Variants in BCKDHB observed in about 807,000 individuals in gnomAD.
The protein encoded by BCKDHB is 2-oxoisovalerate dehydrogenase subunit beta, mitochondrial.
A neutral mutation model predicts 48.5 loss-of-function variants in BCKDHB; 41 were observed. The observed-to-expected ratio is 0.85, with a 90% confidence interval of 0.66 to 1.10. The LOEUF (loss-of-function observed/expected upper bound fraction) is 1.10. Among genes scored for constraint, BCKDHB ranks in the 50% least tolerant of loss-of-function variants. BCKDHB has a pLI of 0.00. For synonymous variants in BCKDHB, 201 were observed against 174.8 expected, an observed-to-expected ratio of 1.15 and a Z score of -1.18; for missense variants, 496 against 494.2, an observed-to-expected ratio of 1.00 and a Z score of -0.03.
the BCKDHB span, among the ~76,000 whole-genome samples, chr6:80,387,357 C>T: frequency 8.4e-6 from 1 of 118,632 alleles, no homozygotes; most frequent in Admixed American, 9.9e-5. Context: ...TTAGAGTTGC[C>T]TCTACCTAGA....
intron 1 of BCKDHB, among the ~76,000 whole-genome samples, chr6:80,111,042 A>G (rs993673529): frequency 6.6e-6 from 1 of 152,172 alleles, no homozygotes; most frequent in Non-Finnish European, 1.5e-5. Flanking sequence ...TCTCTTTTTA[A>G]CAGGGGGCCT....
the BCKDHB span, among the ~76,000 whole-genome samples, chr6:80,359,765 T>C: frequency 3.3e-5 from 5 of 152,052 alleles, no homozygotes; most frequent in Non-Finnish European, 7.4e-5. Context: ...TGGCTAATTT[T>C]TGTATTTTTA....
rs3805902 is a variant in BCKDHB, at chr6:80,266,147, A to G, written c.952-6988A>G. Among the ~76,000 whole-genome samples the G allele has an allele frequency of 2.7e-4, 41 of 152,244 alleles. No individual in the cohort carries two copies. In the East Asian group the frequency reaches 5.2e-3, roughly 19 times the overall value. ...CTTTTCAACAGTTTTCTAAAATTCT[A>G]TGACATGGAAGTCAACAGTATTAAT... On this transcript the variant is annotated intron_variant, in intron 8 of 9. Coordinates refer to ENST00000320393, the MANE Select transcript of BCKDHB (RefSeq NM_183050.4).
the BCKDHB span, among the ~76,000 whole-genome samples, chr6:80,438,655 C>T: frequency 6.6e-6 from 1 of 152,068 alleles, no homozygotes; most frequent in African/African-American, 2.4e-5. Flanking sequence ...TTAAAATATA[C>T]ACTTGTGTTT....
At chr6:80,222,909 C>G (rs1233939941) in intron 8 of BCKDHB, among the ~76,000 whole-genome samples, 1 of 152,098 alleles carries the variant, frequency 6.6e-6, no homozygotes, top group Non-Finnish European at 1.5e-5. Context: ...ACATAGAATT[C>G]TAACAAACTT....
chr6:80,465,104 C>A, the BCKDHB span, among the ~76,000 whole-genome samples: 1 of 152,174 alleles, frequency 6.6e-6, no homozygotes, highest in Non-Finnish European at 1.5e-5. Flanking sequence ...CATTCAGCTC[C>A]TTTAGCAGCC....
the BCKDHB span, among the ~76,000 whole-genome samples, chr6:80,393,483 A>G: frequency 6.6e-6 from 1 of 152,126 alleles, no homozygotes; most frequent in African/African-American, 2.4e-5. Flanking sequence ...CAGCAAGAAG[A>G]TACCATTTAT....
intron 8 of BCKDHB, among the ~76,000 whole-genome samples, chr6:80,257,814 A>T (rs1777117224): frequency 6.6e-6 from 1 of 152,066 alleles, no homozygotes; most frequent in Non-Finnish European, 1.5e-5. Flanking sequence ...ATTGGAGAGG[A>T]AGGATATATC....
chr6:80,280,144 A>G (rs1778137565), intron 9 of BCKDHB, among the ~76,000 whole-genome samples: 1 of 152,208 alleles, frequency 6.6e-6, no homozygotes, highest in South Asian at 2.1e-4. Context: ...TTAAATATTA[A>G]GGAATTTGTT....
intron 8 of BCKDHB, 130 bp from the exon 9 acceptor site, chr6:80,273,005 C>T: frequency 1.3e-6 from 1 of 752,754 alleles, no homozygotes; most frequent in Non-Finnish European, 2.2e-6. Flanking sequence ...TATTGGCATA[C>T]AATTGAATTA....
intron 8 of BCKDHB, among the ~76,000 whole-genome samples, chr6:80,216,637 AAG>A (rs1377632523): frequency 6.6e-6 from 1 of 152,214 alleles, no homozygotes; most frequent in East Asian, 1.9e-4. Context: ...AGTGAAAAGA[AAG>A]AAATCCGTTA....
At chr6:80,277,193 A>G (rs1266677688) in intron 9 of BCKDHB, among the ~76,000 whole-genome samples, 1 of 152,042 alleles carries the variant, frequency 6.6e-6, no homozygotes, top group African/African-American at 2.4e-5. Context: ...TAGATAATTC[A>G]TTGTTCTTTT....
At chr6:80,231,204 A>G (rs1486113021) in intron 8 of BCKDHB, among the ~76,000 whole-genome samples, 2 of 152,240 alleles carry the variant, frequency 1.3e-5, no homozygotes, top group African/African-American at 4.8e-5. Flanking sequence ...TACATACTTA[A>G]TGTATGATGC....
intron 9 of BCKDHB, among the ~76,000 whole-genome samples, chr6:80,338,037 A>T (rs1433572507): frequency 3.3e-5 from 5 of 152,134 alleles, no homozygotes; most frequent in Non-Finnish European, 5.9e-5. Flanking sequence ...CTCACTTTGA[A>T]CTTTTCTTCA....
the BCKDHB span, among the ~76,000 whole-genome samples, chr6:80,377,373 T>G: frequency 6.6e-6 from 1 of 152,156 alleles, no homozygotes; most frequent in Non-Finnish European, 1.5e-5. Flanking sequence ...TATCTAATTT[T>G]TTTGGTTGGT....
intron 9 of BCKDHB, among the ~76,000 whole-genome samples, chr6:80,281,614 A>G (rs1183055743): frequency 6.6e-6 from 1 of 152,200 alleles, no homozygotes; most frequent in Non-Finnish European, 1.5e-5. Context: ...TTTCAAGGAA[A>G]GGAGAGGAAT....
intron 8 of BCKDHB, among the ~76,000 whole-genome samples, chr6:80,220,733 T>C (rs1046608109): frequency 4.0e-5 from 5 of 125,690 alleles, no homozygotes; most frequent in African/African-American, 8.4e-5. Flanking sequence ...CTTTTCTTTT[T>C]CTTTTTTTTT....
the BCKDHB span, among the ~76,000 whole-genome samples, chr6:80,366,542 G>A: frequency 6.6e-6 from 1 of 152,148 alleles, no homozygotes; most frequent in Non-Finnish European, 1.5e-5. Flanking sequence ...GTGATAATGT[G>A]TTATGCATAA....
At chr6:80,347,549 C>CTGT (rs1179385784), downstream of BCKDHB, among the ~76,000 whole-genome samples, 1 of 152,112 alleles carries the variant, frequency 6.6e-6, no homozygotes, top group African/African-American at 2.4e-5. Flanking sequence ...TTTGTTATGG[C>CTGT]TGTTGTATCT....
Sources: gnomAD v4.1 joint callset for allele counts (sites outside exome capture counted in the v4.1 genomes callset) on GRCh38, gnomAD v4.1.1 for gene constraint, MANE v1.5 for transcripts, NCBI Gene and HGNC (gene_info 2026-07-23, HGNC 2026-07-21) for gene names.